The following FIGN variants were observed in gnomAD, a reference collection of about 807,000 sequenced individuals.
FIGN encodes fidgetin, microtubule severing factor.
FIGN carries 11 observed loss-of-function variants against 51.3 expected under a neutral mutation model. That is an observed-to-expected ratio of 0.21 (90% CI 0.13 to 0.35). The LOEUF (loss-of-function observed/expected upper bound fraction) is 0.35. Among genes scored for constraint, FIGN ranks in the 10% least tolerant of loss-of-function variants. FIGN has a pLI of 1.00. For synonymous variants in FIGN, 407 were observed against 363.2 expected (o/e 1.12, Z -1.37); for missense variants, 857 against 943.6 (o/e 0.91, Z 1.20).
rs1208346292 is a variant in FIGN, at chr2:163,603,870, TA to T, written c.*5681del. The T allele has an allele frequency of 6.6e-6, 1 of 152,074 alleles. No homozygotes were observed. Among genetic ancestry groups the T allele is most frequent in the Non-Finnish European group, 1.5e-5 (1 of 67,972 alleles). 9.4% of individuals were successfully genotyped at this position (152,074 alleles called of 1,614,324 possible). On this transcript the variant is annotated 3_prime_UTR_variant, in exon 3 of 3. Transcript: ENST00000333129. ...TGAAGAAAAAGAACGAATGCTAAAA[TA>T]AATAGTATAATATAAAACACTTCAT...
chr2:163,609,797 C>A lies in FIGN; in HGVS notation c.2035G>T (p.Ala679Ser). Residue 679 changes from alanine (A) to serine (S), a missense_variant, in exon 3 of 3, where the codon GCA (alanine) becomes TCA (serine). By Grantham distance (99) the Ala-to-Ser change is moderately conservative. Coordinates refer to ENST00000333129, the MANE Select transcript of FIGN (RefSeq NM_018086.4). ...HNYCLNDKEF[A>S]LLVQRTEGFS... is the part of the protein sequence containing the mutation. ...CCTTCTGTGCGCTGGACGAGCAGTG[C>A]AAACTCCTTGTCATTGAGACAGTAA... 1 of 1,614,136 alleles carries A rather than the reference C, an allele frequency of 6.2e-7. No individual in the cohort carries two copies. The highest frequency in any genetic ancestry group is 1.1e-5 in the South Asian group (1 of 91,078).
At chr2:163,676,439 A>ATATATC (rs1314280860) in intron 2 of FIGN, among the ~76,000 whole-genome samples, 71 of 22,508 alleles carry the variant, frequency 3.2e-3, no homozygotes, top group Non-Finnish European at 5.5e-3. Flanking sequence ...CCTGGAATAT[A>ATATATC]TATATATATA....
At chr2:163,703,080 C>T (rs942988467) in intron 2 of FIGN, among the ~76,000 whole-genome samples, 1 of 149,282 alleles carries the variant, frequency 6.7e-6, no homozygotes, top group Non-Finnish European at 1.5e-5. Flanking sequence ...CTGTTACAAG[C>T]GGTTTATCAA....
intron 2 of FIGN, among the ~76,000 whole-genome samples, chr2:163,730,060 T>C (rs887187483): frequency 6.6e-5 from 10 of 152,254 alleles, no homozygotes; most frequent in Non-Finnish European, 1.5e-4. Flanking sequence ...CTTACGGATG[T>C]GCTGTATTGA....
chr2:163,628,698 T>C (rs867867516), intron 2 of FIGN, among the ~76,000 whole-genome samples: 58 of 152,120 alleles, frequency 3.8e-4, no homozygotes, highest in Admixed American at 2.7e-3. Context: ...TAACCAATTA[T>C]ATTTGGAGGA....
chr2:163,614,605 C>T (rs1169484953), intron 2 of FIGN, among the ~76,000 whole-genome samples: 9 of 151,022 alleles, frequency 6.0e-5, no homozygotes, highest in Admixed American at 4.6e-4. Flanking sequence ...TACAGAAAAA[C>T]GTGAAAAAAA....
intron 2 of FIGN, among the ~76,000 whole-genome samples, chr2:163,688,211 C>T (rs1348930136): frequency 6.6e-6 from 1 of 152,112 alleles, no homozygotes; most frequent in East Asian, 1.9e-4. Context: ...TGTAAAAGAG[C>T]CAGGAGATCC....
Position 163,610,847 on chromosome 2 carries a change from T to G in FIGN, c.985A>C (p.Met329Leu). 1 of 1,613,946 alleles carries G rather than the reference T, an allele frequency of 6.2e-7. No homozygotes were observed. The highest frequency in any genetic ancestry group is 8.5e-7 in the Non-Finnish European group (1 of 1,179,976). The change falls in exon 3 of 3, where the codon ATG becomes CTG. Residue 329 changes from methionine to leucine, a missense_variant. Physicochemically the swap from Met to Leu is conservative, Grantham distance 15. Around this residue, in one of 3 missense-constraint regions of FIGN, gnomAD observed 799 missense variants for 849.5 expected, o/e 0.94. Transcript: ENST00000333129. ...CTGTAATTTCCATAACTGGAGTCCA[T>G]ATCTCCTTGCCCTGCCATGTAGAAA... ...KAFYMAGQGD[M>L]DSSYGNYSYG...
intron 2 of FIGN, among the ~76,000 whole-genome samples, chr2:163,633,815 G>A (rs372052667): frequency 2.6e-5 from 4 of 152,078 alleles, no homozygotes; most frequent in African/African-American, 9.7e-5. Context: ...AGAACCTATC[G>A]ATTCAATGAA....
intron 2 of FIGN, among the ~76,000 whole-genome samples, chr2:163,678,902 T>C (rs939551377): frequency 3.9e-5 from 6 of 152,146 alleles, no homozygotes; most frequent in Admixed American, 2.6e-4. Context: ...AGATTTGAGA[T>C]ACCTTTTACT....
At chr2:163,635,547 G>A (rs952432022) in intron 2 of FIGN, among the ~76,000 whole-genome samples, 8 of 152,250 alleles carry the variant, frequency 5.3e-5, no homozygotes, top group South Asian at 2.1e-4. Flanking sequence ...CTGCCTGGGC[G>A]ACAGAGTGAG....
intron 2 of FIGN, among the ~76,000 whole-genome samples, chr2:163,653,743 C>T (rs1412405954): frequency 2.6e-5 from 4 of 152,052 alleles, no homozygotes; most frequent in Non-Finnish European, 4.4e-5. Context: ...GAATCTCTAT[C>T]TATACGATGG....
At chr2:163,687,031 A>C (rs1398796764) in intron 2 of FIGN, among the ~76,000 whole-genome samples, 2 of 152,214 alleles carry the variant, frequency 1.3e-5, no homozygotes, top group Non-Finnish European at 2.9e-5. Flanking sequence ...ACACACACAC[A>C]CACATACATG....
intron 2 of FIGN, chr2:163,612,454 C>T: frequency 2.0e-6 from 2 of 985,300 alleles, no homozygotes; most frequent in African/African-American, 3.5e-5. Flanking sequence ...ACGACAGTTT[C>T]AAATCTGCTT....
Position 163,735,872 on chromosome 2 carries a change from G to A in FIGN, c.-180C>T, listed in dbSNP as rs996152728. On this transcript the variant is annotated 5_prime_UTR_variant, in exon 1 of 3. In the 5' UTR this introduces an upstream ATG that the reference lacks. Transcript: ENST00000333129. ...CGGAGAGAGAACCCGATAGGTTAGC[G>A]TAGCATCGATCCGATGTGTTTGCTG... The A allele has an allele frequency of 6.5e-6, 1 of 152,712 alleles. No individual in the cohort carries two copies. The highest frequency in any genetic ancestry group is 2.4e-5 in the African/African-American group (1 of 41,472). The allele number at this position is 152,712 out of a possible 1,614,324, so 9.5% of individuals were successfully genotyped here.
Position 163,622,311 on chromosome 2 carries a change from G to C in FIGN, c.26-10505C>G, listed in dbSNP as rs193013927. 5.5e-4 allele frequency among the ~76,000 whole-genome samples: 84 copies of C among 152,028 alleles called. 2 individuals carry two copies. The highest frequency in any genetic ancestry group is 4.9e-3 in the Admixed American group (74 of 15,232). On this transcript the variant is annotated intron_variant, in intron 2 of 2. Transcript: ENST00000333129. ...GATCATGTCACTGCACTCCAGCCTC[G>C]GCGACACGGTAAGACTGTCTCAAAA...
intron 2 of FIGN, chr2:163,612,277 A>G (rs1691281476): frequency 1.0e-6 from 1 of 981,918 alleles, no homozygotes; most frequent in Non-Finnish European, 1.2e-6. Flanking sequence ...TTTGTTTTAC[A>G]TTTTAAGCAA....
rs1387250889 is a variant in FIGN at position 163,626,941 on chromosome 2, T to A, written c.26-15135A>T. Among the ~76,000 whole-genome samples, 3 of 152,132 alleles carry A rather than the reference T, an allele frequency of 2.0e-5. No homozygotes were observed. The East Asian group carries it at 5.8e-4, about 29-fold the overall frequency. ...CACCAGTGCCATGGCAGTTTACAAA[T>A]GCCTTGCCAACGTCAGGAAATTACC... On this transcript the variant is annotated intron_variant, in intron 2 of 2. Transcript: ENST00000333129.
intron 2 of FIGN, among the ~76,000 whole-genome samples, chr2:163,732,788 C>T (rs573507885): frequency 1.3e-5 from 2 of 152,254 alleles, no homozygotes; most frequent in Admixed American, 6.5e-5. Context: ...CAGCTTCCAC[C>T]TCGGACCTAA....
Sources: gnomAD v4.1 joint callset for allele counts (sites outside exome capture counted in the v4.1 genomes callset) on GRCh38, gnomAD v4.1.1 for gene constraint, gnomAD v4.1.1 regional missense constraint, MANE v1.5 for transcripts, NCBI Gene and HGNC (gene_info 2026-07-23, HGNC 2026-07-21) for gene names.